The following TECTB variants were observed in gnomAD, a reference collection of about 807,000 sequenced individuals.
TECTB encodes the protein tectorin beta, also known as beta-tectorin.
Under a neutral mutation model 43.3 loss-of-function variants are expected in TECTB, and 45 were observed. That is an observed-to-expected ratio of 1.04 (90% confidence interval 0.82 to 1.33). The LOEUF (loss-of-function observed/expected upper bound fraction) is 1.33, where lower values mean the gene tolerates loss of function less well. TECTB is among the 40% of genes most tolerant of loss of function. TECTB has a pLI of 0.00. For missense variants in TECTB, 399 were observed against 404.7 expected, an observed-to-expected ratio of 0.99 and a Z score of 0.12; for synonymous variants, 169 against 156.7, an observed-to-expected ratio of 1.08 and a Z score of -0.59.
chr10:112,289,386 C>T (rs1312079999), intron 5 of TECTB, among the ~76,000 whole-genome samples: 1 of 152,118 alleles, frequency 6.6e-6, no homozygotes, highest in Non-Finnish European at 1.5e-5. Context: ...AAATCATAGA[C>T]TCCAGGAGTC....
chr10:112,284,169 T>G (rs957482014), intron 2 of TECTB, among the ~76,000 whole-genome samples: 11 of 152,198 alleles, frequency 7.2e-5, no homozygotes, highest in African/African-American at 2.7e-4. Flanking sequence ...ATATTATGCA[T>G]GAAATTGACA....
At chr10:112,287,084 A>G (rs1320004314) in intron 5 of TECTB, among the ~76,000 whole-genome samples, 1 of 152,198 alleles carries the variant, frequency 6.6e-6, no homozygotes, top group African/African-American at 2.4e-5. Flanking sequence ...CCCTCCAGAG[A>G]TTTATATTTA....
intron 5 of TECTB, 77 bp from the exon 6 acceptor site, chr10:112,293,661 C>A (rs753871548): frequency 2.5e-5 from 33 of 1,316,108 alleles, no homozygotes; most frequent in Non-Finnish European, 3.4e-5. Context: ...CCACCCCATC[C>A]CAATTCATCT....
At chr10:112,296,473 C>T (rs1848547762) in intron 7 of TECTB, among the ~76,000 whole-genome samples, 1 of 152,168 alleles carries the variant, frequency 6.6e-6, no homozygotes, top group Admixed American at 6.5e-5. Flanking sequence ...CATTATTTTC[C>T]ACTGGCTGAC....
intron 9 of TECTB, among the ~76,000 whole-genome samples, chr10:112,301,536 T>C (rs1300017205): frequency 1.3e-5 from 2 of 152,156 alleles, no homozygotes; most frequent in Non-Finnish European, 2.9e-5. Flanking sequence ...GGTGGATTTG[T>C]GGTAGCAGAG....
chr10:112,298,367 T>C, intron 8 of TECTB, 136 bp downstream of exon 8: 1 of 1,143,128 alleles, frequency 8.7e-7, no homozygotes, highest in South Asian at 1.5e-5. Context: ...TGGCACTGAG[T>C]ATAAGGGCAG....
chr10:112,299,635 C>A lies in TECTB; in HGVS notation c.907+71C>A, dbSNP rs182337914. On this transcript the variant is annotated intron_variant, in intron 9 of 10. Coordinates refer to ENST00000646139, the MANE Select transcript of TECTB (RefSeq NM_058222.3). ...GCTGGGCTGCGTCCACAGGCACAGCCGGTTTGAGCATTTTTACTGAATTGC... is the reference window on the plus strand; with the variant it reads ...GCTGGGCTGCGTCCACAGGCACAGCAGGTTTGAGCATTTTTACTGAATTGC... 2.8e-3 allele frequency: 4,328 copies of A among 1,554,126 alleles called. 10 individuals carry two copies. Among genetic ancestry groups the A allele is most frequent in the Non-Finnish European group, 3.5e-3 (3,928 of 1,128,650 alleles).
At chr10:112,302,064 T>A in intron 9 of TECTB, 37 bp from the exon 10 acceptor site, 1 of 1,611,514 alleles carries the variant, frequency 6.2e-7, no homozygotes, top group South Asian at 1.1e-5. Context: ...CATGATCTTT[T>A]CTTAAACTTT....
chr10:112,298,208 A>C lies in TECTB; in HGVS notation c.811A>C (p.Ser271Arg), dbSNP rs759862791. The C allele has an allele frequency of 6.2e-7, 1 of 1,614,136 alleles. No homozygotes were observed. The highest frequency in any genetic ancestry group is 1.1e-5 in the South Asian group (1 of 91,054). ...WLHCETFICD[S>R]EKLSCPVTCD... ...ACACTGTGAGACGTTCATCTGCGAC[A>C]GTGAGAAACTCTCCTGCCCAGTGGT... Residue 271 changes from serine to arginine, a missense_variant, in exon 8 of 11, where the codon AGT becomes CGT. Physicochemically the swap from Ser to Arg is moderately radical, Grantham distance 110. Transcript: ENST00000646139.
chr10:112,283,443 G>A lies in TECTB; in HGVS notation c.-141G>A, dbSNP rs182335843. The A allele has an allele frequency of 1.3e-3, 499 of 396,052 alleles. 9 individuals are homozygous for A. In the Admixed American group the frequency reaches 0.017, roughly 14 times the overall value. 24.5% of individuals were successfully genotyped at this position (396,052 alleles called of 1,614,324 possible). A position where few individuals can be genotyped will look rare whatever the true frequency, so the allele number is the denominator to read the frequency against. ...GCAGCCAGCCTCTACAGTCCGGAGA[G>A]GATGAAACAGTCGGGAACATGAACA... On this transcript the variant is annotated 5_prime_UTR_variant, in exon 1 of 11. Coordinates refer to ENST00000646139, the MANE Select transcript of TECTB (RefSeq NM_058222.3).
chr10:112,285,466 T>C (rs926047115), intron 3 of TECTB, among the ~76,000 whole-genome samples: 1 of 152,188 alleles, frequency 6.6e-6, no homozygotes, highest in African/African-American at 2.4e-5. Flanking sequence ...AGTGATTTAA[T>C]GGGAAGAGTC....
chr10:112,292,135 CA>C (rs1218997579), intron 5 of TECTB, among the ~76,000 whole-genome samples: 410 of 109,782 alleles, frequency 3.7e-3, no homozygotes, highest in Admixed American at 4.6e-3. Flanking sequence ...GACTCCATCT[CA>C]AAAAAAAAAA....
intron 5 of TECTB, among the ~76,000 whole-genome samples, chr10:112,289,434 C>A (rs1207853956): frequency 6.6e-6 from 1 of 152,184 alleles, no homozygotes; most frequent in East Asian, 1.9e-4. Flanking sequence ...TGACTTTCCA[C>A]CCAAAGCCCA....
At chr10:112,296,630 A>G (rs1229536366) in intron 7 of TECTB, among the ~76,000 whole-genome samples, 1 of 152,184 alleles carries the variant, frequency 6.6e-6, no homozygotes, top group Non-Finnish European at 1.5e-5. Context: ...CACTGTTCAG[A>G]GCCCACCACA....
chr10:112,287,556 C>T (rs772323754), intron 5 of TECTB, among the ~76,000 whole-genome samples: 2 of 152,230 alleles, frequency 1.3e-5, no homozygotes, highest in Admixed American at 6.5e-5. Context: ...CCTCTAACTC[C>T]ATTAACTTTG....
chr10:112,298,204 C>A lies in TECTB; in HGVS notation c.807C>A (p.Cys269Ter). The A allele has an allele frequency of 6.2e-7, 1 of 1,614,104 alleles. No individual in the cohort carries two copies. The highest frequency in any genetic ancestry group is 8.5e-7 in the Non-Finnish European group (1 of 1,180,000). The change falls in exon 8 of 11, where the codon TGC (cysteine) becomes TGA (stop). Residue 269 changes from cysteine to a stop codon, truncating the protein, a stop_gained. Coordinates refer to ENST00000646139, the MANE Select transcript of TECTB (RefSeq NM_058222.3). LOFTEE classifies it high-confidence loss of function. ...KVWLHCETFI[C>*]DSEKLSCPVT... ...GGTTACACTGTGAGACGTTCATCTG[C>A]GACAGTGAGAAACTCTCCTGCCCAG...
chr10:112,294,161 C>A, intron 7 of TECTB, 100 bp downstream of exon 7: 1 of 1,037,036 alleles, frequency 9.6e-7, no homozygotes, highest in Non-Finnish European at 1.5e-6. Flanking sequence ...GAGGTGAAGC[C>A]TGCTGGAGTT....
chr10:112,286,974 C>T (rs1214254605), intron 5 of TECTB, among the ~76,000 whole-genome samples: 1 of 152,102 alleles, frequency 6.6e-6, no homozygotes. Context: ...GATATAAGAC[C>T]AACCTTCCCA....
chr10:112,286,324 C>T lies in TECTB; in HGVS notation c.416C>T (p.Ala139Val), dbSNP rs1298485269. Residue 139 changes from alanine (A) to valine (V), a missense_variant, in exon 5 of 11, where the codon GCC (alanine) becomes GTC (valine). Ala to Val is a moderately conservative substitution (Grantham distance 64). Transcript: ENST00000646139. ...VNQAAFDQRV[A>V]TVHVKNGSMG... ...AAATTCTCTCCCCTTTTCAGAGTGG[C>T]CACTGTTCACGTGAAGAACGGGAGC... 1.2e-5 allele frequency: 20 copies of T among 1,611,888 alleles called. No individual in the cohort carries two copies. The highest frequency in any genetic ancestry group is 1.7e-5 in the Non-Finnish European group (20 of 1,178,214).
Sources: allele counts gnomAD v4.1 joint callset (sites outside exome capture counted in the v4.1 genomes callset), GRCh38; gene constraint gnomAD v4.1.1; transcripts MANE v1.5; gene names NCBI Gene and HGNC (gene_info 2026-07-23, HGNC 2026-07-21).